Variants in NSUN6 observed in about 807,000 individuals in gnomAD.
NSUN6 encodes the protein NOP2/Sun RNA methyltransferase 6.
NSUN6 carries 64 observed loss-of-function variants against 58.0 expected under a neutral mutation model. That is an observed-to-expected ratio of 1.10 (90% CI 0.90 to 1.36). The LOEUF (loss-of-function observed/expected upper bound fraction) is 1.36. Ranked by LOEUF, NSUN6 falls within the 40% of genes most tolerant of loss-of-function variation. The pLI is 0.00. For synonymous variants in NSUN6, 231 were observed against 193.9 expected, an observed-to-expected ratio of 1.19 and a Z score of -1.59; for missense variants, 701 against 550.1, an observed-to-expected ratio of 1.27 and a Z score of -2.74.
intron 3 of NSUN6, among the ~76,000 whole-genome samples, chr10:18,626,535 A>C (rs549881720): frequency 3.9e-4 from 60 of 152,382 alleles, no homozygotes; most frequent in African/African-American, 1.4e-3. Flanking sequence ...TAGGAGGCTG[A>C]GGCAGGCAGA....
chr10:18,650,903 T>A (rs776546265), intron 1 of NSUN6, among the ~76,000 whole-genome samples: 2 of 152,234 alleles, frequency 1.3e-5, no homozygotes, highest in Non-Finnish European at 2.9e-5. Context: ...ACATGCCTTT[T>A]TTCCCTTCTT....
chr10:18,622,664 G>A (rs1463735243), intron 3 of NSUN6, among the ~76,000 whole-genome samples: 4 of 152,166 alleles, frequency 2.6e-5, no homozygotes, highest in Non-Finnish European at 4.4e-5. Flanking sequence ...AGCAGAGATC[G>A]TGCCATTGCA....
At position 18,629,709 on chromosome 10, in the gene NSUN6, C is replaced by G. The variant is rs1253800787; in HGVS notation, c.311+12767G>C. On this transcript the variant is annotated intron_variant, in intron 3 of 10. Coordinates refer to ENST00000377304, the MANE Select transcript of NSUN6 (RefSeq NM_182543.5). ...AATTCAACAAGAAGAGCTAACTATC[C>G]TAAATATATATGCACCCAATACAGG... Among the ~76,000 whole-genome samples the G allele has an allele frequency of 2.7e-5, 4 of 150,804 alleles. No individual in the cohort carries two copies. The East Asian group carries it at 7.8e-4, about 30-fold the overall frequency.
intron 8 of NSUN6, among the ~76,000 whole-genome samples, chr10:18,570,763 TC>T (rs1328748969): frequency 7.0e-6 from 1 of 143,850 alleles, no homozygotes; most frequent in Non-Finnish European, 1.6e-5. Context: ...CATTCTCCAT[TC>T]CATTCCATGC....
At chr10:18,641,840 G>T (rs546262041) in intron 3 of NSUN6, among the ~76,000 whole-genome samples, 30 of 152,272 alleles carry the variant, frequency 2.0e-4, no homozygotes, top group African/African-American at 5.3e-4. Context: ...AGGCTAAGGT[G>T]GGAGGATTGT....
upstream of NSUN6, chr10:18,652,813 C>T: frequency 2.7e-5 from 19 of 705,272 alleles, no homozygotes; most frequent in Non-Finnish European, 3.3e-5. Flanking sequence ...GACTCTCTAG[C>T]CTCCCAAAGT....
At chr10:18,591,069 C>G (rs925076829) in intron 7 of NSUN6, among the ~76,000 whole-genome samples, 5 of 152,074 alleles carry the variant, frequency 3.3e-5, no homozygotes, top group African/African-American at 1.2e-4. Context: ...CCACTGATCC[C>G]AAAGAAATAC....
chr10:18,547,916 A>G (rs1442855472), intron 10 of NSUN6, among the ~76,000 whole-genome samples, 196 bp downstream of exon 10: 1 of 152,220 alleles, frequency 6.6e-6, no homozygotes, highest in Non-Finnish European at 1.5e-5. Context: ...TGGCAGGAAC[A>G]AAGATGAGAA....
Position 18,648,541 on chromosome 10 carries a change from A to G in NSUN6, c.180T>C (p.His60=), listed in dbSNP as rs748156642. The change falls in exon 2 of 11, where the codon CAT becomes CAC. Residue 60 remains histidine, a synonymous_variant. Coordinates refer to ENST00000377304, the MANE Select transcript of NSUN6 (RefSeq NM_182543.5). The stretch of plus-strand genomic sequence containing the variant: ...TTTTCACATGTTGTACTGAGGCTAA[A>G]TGTGTATTCACTCTGACAGTTGTAA... ...PSFTTVRVNT[H]LASVQHVKNL... is the part of the protein sequence containing the mutation. 8.1e-6 allele frequency: 13 copies of G among 1,608,526 alleles called. No individual in the cohort carries two copies. The Admixed American group carries it at 2.0e-4, about 25-fold the overall frequency.
rs180803779 is a variant in NSUN6 at position 18,551,041 on chromosome 10, T to A, written c.1071+782A>T. ...ATACTAGCCAATAACTCTATTTTTT[T>A]AAAAAAAAGAGTAATTTATTTTATA... On this transcript the variant is annotated intron_variant, in intron 9 of 10. Transcript: ENST00000377304. 5.2e-3 allele frequency among the ~76,000 whole-genome samples: 789 copies of A among 152,154 alleles called. 6 individuals carry two copies. Among genetic ancestry groups the A allele is most frequent in the African/African-American group, 0.018 (729 of 41,556 alleles).
intron 8 of NSUN6, among the ~76,000 whole-genome samples, chr10:18,555,893 T>A (rs952293812): frequency 4.2e-5 from 5 of 119,198 alleles, no homozygotes; most frequent in African/African-American, 1.5e-4. Flanking sequence ...GAATGGAGAA[T>A]AGAATGGAAT....
At chr10:18,590,652 G>A (rs2057344708) in intron 7 of NSUN6, among the ~76,000 whole-genome samples, 1 of 152,192 alleles carries the variant, frequency 6.6e-6, no homozygotes, top group Non-Finnish European at 1.5e-5. Flanking sequence ...GCTCCTGAAT[G>A]ACTACTGGGT....
chr10:18,630,072 A>G (rs2058971612), intron 3 of NSUN6, among the ~76,000 whole-genome samples: 1 of 145,420 alleles, frequency 6.9e-6, no homozygotes, highest in Admixed American at 7.0e-5. Context: ...CCACAGTGCA[A>G]TCAAACTAGA....
chr10:18,626,831 T>C (rs10734063), intron 3 of NSUN6, among the ~76,000 whole-genome samples: 52,984 of 152,106 alleles, frequency 0.35, 9,810 homozygotes, highest in East Asian at 0.74. Context: ...CCAGTCTCAT[T>C]TGGATTTCAA....
chr10:18,557,521 A>AGAATG lies in NSUN6; in HGVS notation c.923-5555_923-5551dup, dbSNP rs552148698. 4.3e-3 allele frequency among the ~76,000 whole-genome samples: 654 copies of AGAATG among 150,784 alleles called. 8 individuals are homozygous for AGAATG. The highest frequency in any genetic ancestry group is 0.033 in the South Asian group (155 of 4,768). On this transcript the variant is annotated intron_variant, in intron 8 of 10. Coordinates refer to ENST00000377304, the MANE Select transcript of NSUN6 (RefSeq NM_182543.5). The stretch of plus-strand genomic sequence containing the variant: ...TGGAATGGAGAATAGAATGGAAGGG[A>AGAATG]GAATGGAATGGAATGGAATGGATGA...
At chr10:18,622,029 A>G (rs2058624279) in intron 3 of NSUN6, among the ~76,000 whole-genome samples, 1 of 134,548 alleles carries the variant, frequency 7.4e-6, no homozygotes, top group African/African-American at 2.8e-5. Flanking sequence ...ATATATATAT[A>G]TACGAATGAC....
chr10:18,611,022 C>G (rs2058213829), intron 5 of NSUN6, among the ~76,000 whole-genome samples: 1 of 151,772 alleles, frequency 6.6e-6, no homozygotes, highest in Non-Finnish European at 1.5e-5. Flanking sequence ...TGGGCAACAT[C>G]TCTACATAAA....
intron 7 of NSUN6, 121 bp downstream of exon 7, chr10:18,596,087 T>G (rs895273650): frequency 5.3e-6 from 4 of 748,124 alleles, no homozygotes; most frequent in African/African-American, 1.7e-5. Context: ...CATAACTGAA[T>G]AGTTTTCATT....
chr10:18,575,722 G>A (rs779403329), intron 8 of NSUN6, among the ~76,000 whole-genome samples: 6 of 152,124 alleles, frequency 3.9e-5, no homozygotes, highest in Admixed American at 6.5e-5. Context: ...AATTTGAAAT[G>A]CACCACGGAA....
Sources: allele counts gnomAD v4.1 joint callset (sites outside exome capture counted in the v4.1 genomes callset), GRCh38; gene constraint gnomAD v4.1.1; transcripts MANE v1.5; gene names NCBI Gene and HGNC (gene_info 2026-07-23, HGNC 2026-07-21).